The following INSL6 variants were observed in gnomAD, a reference collection of about 807,000 sequenced individuals.
The protein encoded by INSL6 is insulin like 6, also known as insulin-like peptide INSL6.
A neutral mutation model predicts 9.4 loss-of-function variants in INSL6; 16 were observed. The observed-to-expected ratio is 1.70, with a 90% CI of 1.15 to 2.59. The LOEUF is 2.59. Among genes scored for constraint, INSL6 ranks in the 30% most tolerant of loss-of-function variants. The pLI is 0.00. For synonymous variants in INSL6, 154 were observed against 96.9 expected (o/e 1.59, Z -3.46); for missense variants, 391 against 257.3 (o/e 1.52, Z -3.56).
chr9:5,153,685 G>GACAA (rs1824759023), intron 2 of INSL6, among the ~76,000 whole-genome samples: 1 of 151,924 alleles, frequency 6.6e-6, no homozygotes, highest in Non-Finnish European at 1.5e-5. Flanking sequence ...ACCAATAACA[G>GACAA]ACAGAGAGCC....
intron 2 of INSL6, among the ~76,000 whole-genome samples, chr9:5,138,618 A>C (rs1824431047): frequency 6.6e-6 from 1 of 152,074 alleles, no homozygotes; most frequent in African/African-American, 2.4e-5. Flanking sequence ...ATTAGGAGAA[A>C]TGCCTAATGT....
chr9:5,122,961 A>G (rs754798327), downstream of INSL6: 2 of 1,266,368 alleles, frequency 1.6e-6, no homozygotes, highest in Non-Finnish European at 2.3e-6. Flanking sequence ...AAGAGTCCAC[A>G]TATCAAGTAA....
chr9:5,103,221 C>CAAAAAAAAAAAAAAAAAAAAA, the INSL6 span, among the ~76,000 whole-genome samples: 1 of 6,872 alleles, frequency 1.5e-4, no homozygotes, highest in African/African-American at 5.9e-4. Context: ...AAAGGGAAAG[C>CAAAAAAAAAAAAAAAAAAAAA]AAAAAAAAAA....
chr9:5,096,640 C>G, the INSL6 span: 19 of 152,166 alleles, frequency 1.2e-4, no homozygotes, highest in African/African-American at 4.3e-4. Context: ...AATGCTTACT[C>G]AGCCATTTTA....
At chr9:5,053,872 T>C in the INSL6 span, among the ~76,000 whole-genome samples, 1 of 151,870 alleles carries the variant, frequency 6.6e-6, no homozygotes, top group Non-Finnish European at 1.5e-5. Context: ...AGATAGGAGA[T>C]GGATGATTGG....
the INSL6 span, among the ~76,000 whole-genome samples, chr9:5,008,837 A>C: frequency 6.6e-6 from 1 of 151,944 alleles, no homozygotes; most frequent in Non-Finnish European, 1.5e-5. Flanking sequence ...CTCCATCTAG[A>C]GCTTCTCTTT....
chr9:5,087,109 C>G, the INSL6 span, among the ~76,000 whole-genome samples: 1 of 152,150 alleles, frequency 6.6e-6, no homozygotes, highest in Non-Finnish European at 1.5e-5. Flanking sequence ...ACTTATGACT[C>G]TTACTGGTTG....
At chr9:5,041,690 C>A in the INSL6 span, 1 of 506,732 alleles carries the variant, frequency 2.0e-6, no homozygotes, top group Non-Finnish European at 4.0e-6. Flanking sequence ...TCGACCGAAG[C>A]GGCTTCGTGT....
the INSL6 span, among the ~76,000 whole-genome samples, chr9:5,070,488 A>G: frequency 6.6e-6 from 1 of 152,110 alleles, no homozygotes; most frequent in Non-Finnish European, 1.5e-5. Flanking sequence ...CTTAAGTGGA[A>G]CCTGTGGATA....
chr9:5,105,679 C>A, the INSL6 span, among the ~76,000 whole-genome samples: 95,442 of 152,030 alleles, frequency 0.63, 32,007 homozygotes, highest in African/African-American at 0.88. Context: ...ACAAGGCTAC[C>A]GTAACCAAAA....
intron 1 of INSL6, among the ~76,000 whole-genome samples, chr9:5,167,304 G>C (rs935835324): frequency 1.3e-5 from 2 of 152,230 alleles, no homozygotes; most frequent in African/African-American, 2.4e-5. Context: ...TGGGTTCCAA[G>C]CATTAAGCTA....
the INSL6 span, among the ~76,000 whole-genome samples, chr9:5,082,488 G>A: frequency 1.3e-5 from 2 of 152,248 alleles, no homozygotes; most frequent in African/African-American, 2.4e-5. Flanking sequence ...ATGAACAAAT[G>A]TATAATTGGG....
chr9:5,117,161 C>T, the INSL6 span, among the ~76,000 whole-genome samples: 1 of 152,212 alleles, frequency 6.6e-6, no homozygotes, highest in Non-Finnish European at 1.5e-5. Flanking sequence ...CTGAACCTGC[C>T]AGCACCTTTA....
At chr9:5,115,225 A>G in the INSL6 span, among the ~76,000 whole-genome samples, 1 of 152,216 alleles carries the variant, frequency 6.6e-6, no homozygotes, top group Non-Finnish European at 1.5e-5. Flanking sequence ...CAAGAAAAAA[A>G]CAACCCCATC....
the INSL6 span, chr9:5,044,287 T>C: frequency 1.5e-6 from 1 of 679,336 alleles, no homozygotes; most frequent in Non-Finnish European, 2.6e-6. Flanking sequence ...TACTGTTAGC[T>C]GTGTTTTCTA....
At chr9:5,123,660 G>C (rs555395180), downstream of INSL6, among the ~76,000 whole-genome samples, 1 of 151,840 alleles carries the variant, frequency 6.6e-6, no homozygotes, top group Non-Finnish European at 1.5e-5. Flanking sequence ...CCTTTAGGTA[G>C]ATACCCCATA....
chr9:5,053,785 A>G, the INSL6 span, among the ~76,000 whole-genome samples: 1 of 152,002 alleles, frequency 6.6e-6, no homozygotes, highest in Non-Finnish European at 1.5e-5. Flanking sequence ...TGGATTCTAC[A>G]TCTAATATGC....
the INSL6 span, among the ~76,000 whole-genome samples, chr9:5,044,184 G>A: frequency 1.3e-5 from 2 of 152,124 alleles, no homozygotes; most frequent in Non-Finnish European, 2.9e-5. Flanking sequence ...TGCACTGAAG[G>A]AGGTAGTATA....
the INSL6 span, among the ~76,000 whole-genome samples, chr9:5,060,741 A>G: frequency 2.6e-5 from 4 of 152,202 alleles, no homozygotes; most frequent in African/African-American, 9.7e-5. Context: ...TAACACTTTG[A>G]CCTTCTTCCA....
Sources: gnomAD v4.1 joint callset for allele counts (sites outside exome capture counted in the v4.1 genomes callset) on GRCh38, gnomAD v4.1.1 for gene constraint, MANE v1.5 for transcripts, NCBI Gene and HGNC (gene_info 2026-07-23, HGNC 2026-07-21) for gene names.